The following GCH1 variants were observed in gnomAD, a reference collection of about 807,000 sequenced individuals.
GCH1 encodes the protein GTP cyclohydrolase I.
A neutral mutation model predicts 25.9 loss-of-function variants in GCH1; 5 were observed. That is an observed-to-expected ratio of 0.19 (90% CI 0.10 to 0.41). GCH1 has a LOEUF of 0.41. Ranked by LOEUF, GCH1 falls within the 10% of genes least tolerant of loss-of-function variation. The probability of loss-of-function intolerance (pLI) is 1.00; values close to 1 mark genes in which losing one functional copy is unlikely to be tolerated. For synonymous variants in GCH1, 159 were observed against 129.6 expected, an observed-to-expected ratio of 1.23 and a Z score of -1.54; for missense variants, 261 against 336.5, an observed-to-expected ratio of 0.78 and a Z score of 1.75.
intron 1 of GCH1, among the ~76,000 whole-genome samples, chr14:54,881,115 G>A (rs138991123): frequency 0.016 from 2,375 of 151,610 alleles, 35 homozygotes; most frequent in South Asian, 0.048. Context: ...GTGAACCACC[G>A]CGCCAGGCCA....
intron 3 of GCH1, among the ~76,000 whole-genome samples, chr14:54,848,761 C>A (rs557469695): frequency 1.7e-4 from 26 of 152,122 alleles, no homozygotes; most frequent in African/African-American, 5.1e-4. Flanking sequence ...TTTATCCCAG[C>A]AGTAGTTACT....
Position 54,880,539 on chromosome 14 carries a change from TATATATATATACTCC to T in GCH1, c.344-15118_344-15104del, listed in dbSNP as rs1566676900. Among the ~76,000 whole-genome samples, 76 of 69,160 alleles carry T rather than the reference TATATATATATACTCC, an allele frequency of 1.1e-3. 2 individuals are homozygous for T. Among genetic ancestry groups the T allele is most frequent in the South Asian group, 2.5e-3 (6 of 2,440 alleles). 45.4% of individuals were successfully genotyped at this position (69,160 alleles called of 152,430 possible). On this transcript the variant is annotated intron_variant, in intron 1 of 5. Coordinates refer to ENST00000491895, the MANE Select transcript of GCH1 (RefSeq NM_000161.3). ...ACTCCATATATATATATATACTCCA[TATATATATATACTCC>T]ATATATATATACTCCATATATATAT...
intron 3 of GCH1, among the ~76,000 whole-genome samples, chr14:54,851,816 G>A (rs1386105444): frequency 1.3e-5 from 2 of 152,214 alleles, no homozygotes; most frequent in African/African-American, 2.4e-5. Context: ...ACGGTGTGGC[G>A]ATTCCTCAGG....
rs770932357 is a variant in GCH1, at chr14:54,902,549, G to T, written c.115C>A (p.Pro39Thr). ...GCGCTCTTGGCCTCGGGCCGCGGGGGCTTCTCCGCCGGCCTGCTGGGCCCG... is the reference window on the plus strand; with the variant it reads ...GCGCTCTTGGCCTCGGGCCGCGGGGTCTTCTCCGCCGGCCTGCTGGGCCCG... ...RPGPSRPAEK[P>T]PRPEAKSAQP... Residue 39 changes from proline (P) to threonine (T), a missense_variant, in exon 1 of 6, where the codon CCC (proline) becomes ACC (threonine). Pro to Thr is a conservative substitution (Grantham distance 38, BLOSUM62 -1). Transcript: ENST00000491895. 2.6e-6 allele frequency: 4 copies of T among 1,537,636 alleles called. No individual in the cohort carries two copies. The highest frequency in any genetic ancestry group is 1.2e-5 in the South Asian group (1 of 82,554).
intron 3 of GCH1, among the ~76,000 whole-genome samples, chr14:54,849,721 A>G (rs556146855): frequency 6.6e-6 from 1 of 152,278 alleles, no homozygotes; most frequent in Admixed American, 6.5e-5. Context: ...AGGAATTTCA[A>G]TTAAGGGCAT....
Position 54,843,672 on chromosome 14 carries a change from C to G in GCH1, c.*345G>C. ...GCACAGTTCCCTCTCATTCCCAATG[C>G]TCCTATGCTTATGAGGCAAATTACT... On this transcript the variant is annotated 3_prime_UTR_variant, in exon 6 of 6. Coordinates refer to ENST00000491895, the MANE Select transcript of GCH1 (RefSeq NM_000161.3). The G allele has an allele frequency of 6.3e-7, 1 of 1,589,676 alleles. No individual in the cohort carries two copies. The highest frequency in any genetic ancestry group is 8.5e-7 in the Non-Finnish European group (1 of 1,170,230).
intron 1 of GCH1, among the ~76,000 whole-genome samples, chr14:54,872,532 A>C (rs1205853908): frequency 6.6e-6 from 1 of 152,240 alleles, no homozygotes; most frequent in Non-Finnish European, 1.5e-5. Context: ...TAAATGCTCC[A>C]ATTAAAAGAC....
At chr14:54,895,795 G>C (rs1266111965) in intron 1 of GCH1, among the ~76,000 whole-genome samples, 1 of 152,174 alleles carries the variant, frequency 6.6e-6, no homozygotes, top group East Asian at 1.9e-4. Context: ...GCCAGTTCCT[G>C]GGAGAGATGA....
In GCH1 at chr14:54,845,042, G is replaced by A. The variant is rs368421818; in HGVS notation, c.626+726C>T. Among the ~76,000 whole-genome samples, 6 of 151,998 alleles carry A rather than the reference G, an allele frequency of 3.9e-5. No homozygotes were observed. The South Asian group carries it at 6.2e-4, about 16-fold the overall frequency. ...ACGAAAATTAGCTGGGTGTGGTGGC[G>A]GGCACCTGTAATCCCAGCTATTTGG... On this transcript the variant is annotated intron_variant, in intron 5 of 5. Coordinates refer to ENST00000491895, the MANE Select transcript of GCH1 (RefSeq NM_000161.3).
At chr14:54,874,622 G>A (rs2040131384) in intron 1 of GCH1, among the ~76,000 whole-genome samples, 3 of 152,282 alleles carry the variant, frequency 2.0e-5, no homozygotes, top group South Asian at 4.2e-4. Flanking sequence ...ATCTCCTTAA[G>A]CTGATAAGCA....
intron 5 of GCH1, among the ~76,000 whole-genome samples, chr14:54,844,451 C>A (rs2039610404): frequency 6.6e-6 from 1 of 152,134 alleles, no homozygotes; most frequent in African/African-American, 2.4e-5. Context: ...ATGGAATTTT[C>A]TTCTGGGGTG....
intron 1 of GCH1, among the ~76,000 whole-genome samples, chr14:54,867,607 A>AC (rs1480105832): frequency 6.6e-6 from 1 of 150,670 alleles, no homozygotes; most frequent in Non-Finnish European, 1.5e-5. Flanking sequence ...AAAAAAAAAA[A>AC]AAAAAAAGAT....
chr14:54,898,981 A>C (rs981390015), intron 1 of GCH1, among the ~76,000 whole-genome samples: 58 of 152,210 alleles, frequency 3.8e-4, no homozygotes, highest in African/African-American at 1.4e-3. Context: ...GACGAGAGGA[A>C]AAAACTAAGA....
intron 2 of GCH1, among the ~76,000 whole-genome samples, chr14:54,862,551 T>C (rs1466064931): frequency 1.3e-5 from 2 of 150,976 alleles, no homozygotes; most frequent in African/African-American, 4.9e-5. Context: ...CTAGCTAATT[T>C]TTGCCTGTTT....
Position 54,843,634 on chromosome 14 carries a change from AAC to A in GCH1, c.*381_*382del. The A allele has an allele frequency of 2.7e-6, 4 of 1,503,546 alleles. No homozygotes were observed. Among genetic ancestry groups the A allele is most frequent in the Non-Finnish European group, 3.5e-6 (4 of 1,131,326 alleles). 93.1% of individuals were successfully genotyped at this position (1,503,546 alleles called of 1,614,324 possible). On this transcript the variant is annotated 3_prime_UTR_variant, in exon 6 of 6. Transcript: ENST00000491895. ...CCACTTTTATTGGAGGAAGAAAAAA[AAC>A]AGTATACTGGGCACAGTTCCCTCTC...
At chr14:54,897,294 C>CTTT (rs905233848) in intron 1 of GCH1, among the ~76,000 whole-genome samples, 1 of 137,840 alleles carries the variant, frequency 7.3e-6, no homozygotes, top group African/African-American at 2.9e-5. Context: ...CCTCTACTCA[C>CTTT]TTTTTTTTTC....
At chr14:54,856,821 T>C (rs1056822084) in intron 3 of GCH1, among the ~76,000 whole-genome samples, 4 of 152,164 alleles carry the variant, frequency 2.6e-5, no homozygotes, top group African/African-American at 4.8e-5. Flanking sequence ...CAAAAGAAAG[T>C]TCTATTCAAA....
chr14:54,853,526 G>A (rs747622140), intron 3 of GCH1, among the ~76,000 whole-genome samples: 2 of 152,116 alleles, frequency 1.3e-5, no homozygotes, highest in Non-Finnish European at 2.9e-5. Flanking sequence ...AGTGTAAAAT[G>A]TACATATGCA....
At position 54,845,253 on chromosome 14, in the gene GCH1, G is replaced by A. The variant is rs531020473; in HGVS notation, c.626+515C>T. On this transcript the variant is annotated intron_variant, in intron 5 of 5. Coordinates refer to ENST00000491895, the MANE Select transcript of GCH1 (RefSeq NM_000161.3). The stretch of plus-strand genomic sequence containing the variant: ...CTAGCACTTTGGGAGGCCGTGACGG[G>A]TGGATCATGAGGTCAGGAGTTCGAG... Among the ~76,000 whole-genome samples the A allele has an allele frequency of 8.6e-5, 13 of 151,788 alleles. No individual in the cohort carries two copies. In the East Asian group the frequency reaches 1.9e-3, roughly 23 times the overall value.
Sources: allele counts gnomAD v4.1 joint callset (sites outside exome capture counted in the v4.1 genomes callset), GRCh38; gene constraint gnomAD v4.1.1; transcripts MANE v1.5; gene names NCBI Gene and HGNC (gene_info 2026-07-23, HGNC 2026-07-21).